Variants in ULK4 observed in about 807,000 individuals in gnomAD.
ULK4 encodes the protein unc-51 like kinase 4.
In ULK4, 133 loss-of-function variants were observed where a neutral mutation model predicts 160.6. The observed-to-expected ratio is 0.83, with a 90% CI of 0.72 to 0.96. ULK4 has a LOEUF of 0.96. Among genes scored for constraint, ULK4 ranks in the 40% least tolerant of loss-of-function variants. The pLI, the probability that ULK4 is intolerant of heterozygous loss-of-function variation, is 0.00. For synonymous variants in ULK4, 534 were observed against 539.8 expected (o/e 0.99, Z 0.15); for missense variants, 1,580 against 1,499.5 (o/e 1.05, Z -0.89).
chr3:41,810,654 T>TA (rs1214979658), intron 19 of ULK4, among the ~76,000 whole-genome samples: 1 of 152,170 alleles, frequency 6.6e-6, no homozygotes, highest in Non-Finnish European at 1.5e-5. Context: ...ATCTCTATTT[T>TA]AAAAAATTTA....
At chr3:41,719,207 T>C (rs193094790) in intron 22 of ULK4, among the ~76,000 whole-genome samples, 1 of 152,318 alleles carries the variant, frequency 6.6e-6, no homozygotes, top group Non-Finnish European at 1.5e-5. Context: ...TCTGTGTCTT[T>C]TGCTGGTTCA....
intron 32 of ULK4, among the ~76,000 whole-genome samples, chr3:41,468,397 T>C (rs1441941405): frequency 6.6e-6 from 1 of 152,122 alleles, no homozygotes; most frequent in South Asian, 2.1e-4. Context: ...GCTAATATAA[T>C]ACAGTAGGAA....
In ULK4 at chr3:41,896,813, C is replaced by G. The variant is rs1176120870; in HGVS notation, c.1530+9G>C. On this transcript the variant is annotated intron_variant, in intron 15 of 36. Coordinates refer to ENST00000301831, the MANE Select transcript of ULK4 (RefSeq NM_017886.4). The stretch of plus-strand genomic sequence containing the variant: ...ATTAAAATGCATAAGGCATGTCACA[C>G]AGGCTTACCAGGGGGGAATGGAGGA... The G allele has an allele frequency of 6.2e-7, 1 of 1,605,598 alleles. No homozygotes were observed. The highest frequency in any genetic ancestry group is 8.5e-7 in the Non-Finnish European group (1 of 1,176,842).
chr3:41,696,252 C>T (rs923629967), intron 27 of ULK4, among the ~76,000 whole-genome samples: 13 of 152,182 alleles, frequency 8.5e-5, no homozygotes, highest in Admixed American at 8.5e-4. Flanking sequence ...GCTCCTAGTC[C>T]ACCTTCATGT....
chr3:41,911,758 A>C (rs935596680), intron 9 of ULK4, 99 bp from the exon 10 acceptor site: 31 of 886,592 alleles, frequency 3.5e-5, no homozygotes, highest in Non-Finnish European at 4.8e-5. Flanking sequence ...TAAATTACAC[A>C]TGACATTTAG....
chr3:41,918,159 C>T (rs976771368), intron 7 of ULK4, among the ~76,000 whole-genome samples: 2 of 151,980 alleles, frequency 1.3e-5, no homozygotes, highest in African/African-American at 2.4e-5. Flanking sequence ...ATGGTACATA[C>T]AAAAAGCAAT....
At chr3:41,570,962 C>T (rs1051302622) in intron 31 of ULK4, among the ~76,000 whole-genome samples, 2 of 152,138 alleles carry the variant, frequency 1.3e-5, no homozygotes, top group African/African-American at 4.8e-5. Flanking sequence ...ACTAGGAGTA[C>T]TTAGAGAAAA....
intron 32 of ULK4, among the ~76,000 whole-genome samples, chr3:41,479,455 G>T (rs1460608064): frequency 6.6e-6 from 1 of 152,178 alleles, no homozygotes; most frequent in East Asian, 1.9e-4. Flanking sequence ...GCTGTTGGTC[G>T]GAGAAGATGA....
intron 32 of ULK4, among the ~76,000 whole-genome samples, chr3:41,543,965 T>C (rs972798237): frequency 6.6e-6 from 1 of 152,180 alleles, no homozygotes; most frequent in Admixed American, 6.5e-5. Flanking sequence ...TTTCCTGCAG[T>C]TCTTTGCACA....
At chr3:41,507,836 C>T (rs1039983979) in intron 32 of ULK4, among the ~76,000 whole-genome samples, 2 of 152,192 alleles carry the variant, frequency 1.3e-5, no homozygotes, top group African/African-American at 4.8e-5. Context: ...GACCAGCTTG[C>T]AGCTCCCACT....
intron 35 of ULK4, among the ~76,000 whole-genome samples, chr3:41,390,810 G>T (rs113646221): frequency 0.026 from 3,903 of 152,180 alleles, 161 homozygotes; most frequent in African/African-American, 0.087. Flanking sequence ...TTTGGAATAG[G>T]TGCGGTGTGG....
intron 21 of ULK4, among the ~76,000 whole-genome samples, chr3:41,776,139 A>G (rs972076608): frequency 4.0e-5 from 6 of 151,024 alleles, no homozygotes; most frequent in Non-Finnish European, 8.8e-5. Flanking sequence ...ATGTTCGCCA[A>G]TCTGAAGATT....
rs375379096 is a variant in ULK4, at chr3:41,717,717, C to A, written c.2455+11G>T. ...GCAGAAATGGGGCCTGAGGATGAGA[C>A]TCCAATTTACCCAGGATTCGTGGCA... On this transcript the variant is annotated intron_variant, in intron 23 of 36. Coordinates refer to ENST00000301831, the MANE Select transcript of ULK4 (RefSeq NM_017886.4). 4 of 1,605,570 alleles carry A rather than the reference C, an allele frequency of 2.5e-6. No individual in the cohort carries two copies. The highest frequency in any genetic ancestry group is 3.4e-6 in the Non-Finnish European group (4 of 1,173,686).
In ULK4 at chr3:41,859,379, C is replaced by T. The variant is rs182789993; in HGVS notation, c.1657-23408G>A. On this transcript the variant is annotated intron_variant, in intron 17 of 36. Transcript: ENST00000301831. ...GGCCAATGATGCTTCAGATACCAGA[C>T]GGCTTCATTTGTCAACTGTGGTCCA... 9.8e-4 allele frequency: 562 copies of T among 575,888 alleles called. 3 individuals carry two copies. The highest frequency in any genetic ancestry group is 8.2e-3 in the African/African-American group (432 of 52,568). The allele number at this position is 575,888 out of a possible 1,614,324, so 35.7% of individuals were successfully genotyped here.
intron 17 of ULK4, among the ~76,000 whole-genome samples, chr3:41,848,205 A>T (rs1263253787): frequency 6.6e-6 from 1 of 152,238 alleles, no homozygotes; most frequent in Non-Finnish European, 1.5e-5. Flanking sequence ...TGTAACTGGT[A>T]GATTCCTTCT....
intron 35 of ULK4, among the ~76,000 whole-genome samples, chr3:41,318,012 C>CGT: frequency 6.6e-6 from 1 of 152,144 alleles, no homozygotes; most frequent in Non-Finnish European, 1.5e-5. Context: ...ACCCTTTAAA[C>CGT]TAATCGCTAT....
chr3:41,856,512 A>ATATATATATATATATAT (rs2042339374), intron 17 of ULK4, among the ~76,000 whole-genome samples: 1 of 99,190 alleles, frequency 1.0e-5, no homozygotes, highest in African/African-American at 3.6e-5. Context: ...TAAATAAATA[A>ATATATATATATATATAT]ATATATATAT....
intron 32 of ULK4, 57 bp from the exon 33 acceptor site, chr3:41,463,310 T>C (rs1313784921): frequency 2.6e-6 from 4 of 1,545,078 alleles, no homozygotes; most frequent in Non-Finnish European, 3.5e-6. Flanking sequence ...AAATGTGTCA[T>C]ATGAACCAAA....
intron 30 of ULK4, among the ~76,000 whole-genome samples, chr3:41,638,430 C>A (rs1043411366): frequency 6.6e-6 from 1 of 152,092 alleles, no homozygotes; most frequent in Non-Finnish European, 1.5e-5. Flanking sequence ...AGAAGAAATG[C>A]ACCCCAAAAA....
Sources: gnomAD v4.1 joint callset for allele counts (sites outside exome capture counted in the v4.1 genomes callset) on GRCh38, gnomAD v4.1.1 for gene constraint, MANE v1.5 for transcripts, NCBI Gene and HGNC (gene_info 2026-07-23, HGNC 2026-07-21) for gene names.